The following PIK3R3 variants were observed in gnomAD, a reference collection of about 807,000 sequenced individuals.
The protein encoded by PIK3R3 is phosphoinositide-3-kinase regulatory subunit 3.
A neutral mutation model predicts 62.9 loss-of-function variants in PIK3R3; 64 were observed. The observed-to-expected ratio is 1.02, with a 90% CI of 0.83 to 1.25. The LOEUF (loss-of-function observed/expected upper bound fraction) is 1.25, where lower values mean the gene tolerates loss of function less well. PIK3R3 is among the 50% of genes most tolerant of loss of function. The probability of loss-of-function intolerance (pLI) is 0.00; values close to 1 mark genes in which losing one functional copy is unlikely to be tolerated. For synonymous variants in PIK3R3, 165 were observed against 189.0 expected, an observed-to-expected ratio of 0.87 and a Z score of 1.04; for missense variants, 614 against 561.6, an observed-to-expected ratio of 1.09 and a Z score of -0.94.
chr1:46,066,610 A>G (rs1198297565), intron 4 of PIK3R3, among the ~76,000 whole-genome samples: 1 of 152,154 alleles, frequency 6.6e-6, no homozygotes, highest in African/African-American at 2.4e-5. Flanking sequence ...GCTTGAGCCC[A>G]GGAGTTCAAG....
At chr1:46,165,305 CTTTT>C in the PIK3R3 span, among the ~76,000 whole-genome samples, 2 of 130,024 alleles carry the variant, frequency 1.5e-5, no homozygotes, top group African/African-American at 2.9e-5. Flanking sequence ...TCTTCTTCTT[CTTTT>C]TTTTTTTTTT....
At chr1:46,155,464 T>C in the PIK3R3 span, among the ~76,000 whole-genome samples, 1 of 151,624 alleles carries the variant, frequency 6.6e-6, no homozygotes, top group East Asian at 1.9e-4. Flanking sequence ...TTTTTTTTTT[T>C]GAGACAAGAT....
chr1:46,097,889 CAAAA>C (rs1232804003), intron 1 of PIK3R3, among the ~76,000 whole-genome samples: 2 of 43,196 alleles, frequency 4.6e-5, no homozygotes, highest in Non-Finnish European at 9.9e-5. Flanking sequence ...AACTCCATCT[CAAAA>C]AAAAAAAAAA....
At position 46,041,480 on chromosome 1, in the gene PIK3R3, C is replaced by T. The variant is rs1305621298; in HGVS notation, c.*2193G>A. The T allele has an allele frequency of 2.9e-5, 5 of 175,300 alleles. No individual in the cohort carries two copies. The highest frequency in any genetic ancestry group is 4.9e-5 in the Non-Finnish European group (4 of 81,098). 10.9% of individuals were successfully genotyped at this position (175,300 alleles called of 1,614,324 possible). A position where few individuals can be genotyped will look rare whatever the true frequency, so the allele number is the denominator to read the frequency against. On this transcript the variant is annotated 3_prime_UTR_variant, in exon 10 of 10. Coordinates refer to ENST00000262741, the MANE Select transcript of PIK3R3 (RefSeq NM_003629.4). Reference sequence around the variant, plus strand: ...GTCTCTCCCTGCACACCGCTGGTGTCTGCCCAACAAGGAGCAGACACATTA... The same window carrying T: ...GTCTCTCCCTGCACACCGCTGGTGTTTGCCCAACAAGGAGCAGACACATTA...
At chr1:46,074,366 C>T (rs186505394) in intron 3 of PIK3R3, among the ~76,000 whole-genome samples, 59 of 147,844 alleles carry the variant, frequency 4.0e-4, no homozygotes, top group Middle Eastern at 3.7e-3. Context: ...ACCATTATCT[C>T]ACACCCTAAA....
intron 3 of PIK3R3, among the ~76,000 whole-genome samples, chr1:46,075,714 G>C (rs1180637736): frequency 6.6e-6 from 1 of 152,188 alleles, no homozygotes; most frequent in African/African-American, 2.4e-5. Context: ...CAATAGGAGA[G>C]AGACAAAGAT....
intron 1 of PIK3R3, among the ~76,000 whole-genome samples, chr1:46,115,172 A>G (rs545191443): frequency 3.6e-4 from 55 of 152,324 alleles, no homozygotes; most frequent in African/African-American, 1.1e-3. Flanking sequence ...AAAAGCTAAT[A>G]CAGGGTAAAG....
At chr1:46,154,724 T>C in the PIK3R3 span, among the ~76,000 whole-genome samples, 1 of 152,152 alleles carries the variant, frequency 6.6e-6, no homozygotes, top group Non-Finnish European at 1.5e-5. Context: ...CAACCACTCA[T>C]TCACATCTGC....
At chr1:46,173,372 C>G in the PIK3R3 span, among the ~76,000 whole-genome samples, 1 of 152,204 alleles carries the variant, frequency 6.6e-6, no homozygotes, top group Non-Finnish European at 1.5e-5. Context: ...GAAAGAACTC[C>G]CACTGCCTTG....
the PIK3R3 span, among the ~76,000 whole-genome samples, chr1:46,160,366 G>A: frequency 2.6e-5 from 4 of 152,214 alleles, no homozygotes; most frequent in Admixed American, 6.5e-5. Flanking sequence ...CAGAACCTAC[G>A]ATTCTGTAAC....
At chr1:46,062,138 TAAAC>T in intron 5 of PIK3R3, 67 bp from the exon 6 acceptor site, 1 of 1,394,612 alleles carries the variant, frequency 7.2e-7, no homozygotes, top group Non-Finnish European at 9.7e-7. Context: ...ACCTTGGTCT[TAAAC>T]AAATTTTGTA....
chr1:46,135,622 C>T (rs2149484834), upstream of PIK3R3, among the ~76,000 whole-genome samples: 1 of 152,204 alleles, frequency 6.6e-6, no homozygotes, highest in Admixed American at 6.5e-5. Flanking sequence ...CTTCTGTGCT[C>T]TGAATATAGG....
intron 1 of PIK3R3, among the ~76,000 whole-genome samples, chr1:46,120,503 G>A (rs959763422): frequency 1.3e-5 from 2 of 152,188 alleles, no homozygotes; most frequent in African/African-American, 2.4e-5. Context: ...AACCCGGGAG[G>A]TGGAGGTTGC....
intron 1 of PIK3R3, among the ~76,000 whole-genome samples, chr1:46,087,133 G>T (rs1651139467): frequency 6.6e-6 from 1 of 152,162 alleles, no homozygotes; most frequent in Admixed American, 6.5e-5. Context: ...GGGGAATGGT[G>T]GAGGGATAGC....
chr1:46,076,009 A>C (rs1557584738), intron 3 of PIK3R3, among the ~76,000 whole-genome samples: 1 of 152,176 alleles, frequency 6.6e-6, no homozygotes, highest in African/African-American at 2.4e-5. Context: ...CAGAGAGATA[A>C]AATTTTTTTC....
At position 46,112,203 on chromosome 1, in the gene PIK3R3, C is replaced by T. The variant is rs764018971; in HGVS notation, c.106+19644G>A. ...TTTTGGTTTTTTATAAAAATGGGAT[C>T]TTATTATACACATTTCTTTATAACT... On this transcript the variant is annotated intron_variant, in intron 1 of 9. Coordinates refer to ENST00000262741, the MANE Select transcript of PIK3R3 (RefSeq NM_003629.4). 2.9e-4 allele frequency among the ~76,000 whole-genome samples: 44 copies of T among 152,220 alleles called. 1 individual carries two copies. The Middle Eastern group carries it at 0.014, about 47-fold the overall frequency.
Position 46,077,572 on chromosome 1 carries a change from G to A in PIK3R3, c.257C>T (p.Thr86Ile). 6.2e-7 allele frequency: 1 copy of A among 1,612,260 alleles called. No individual in the cohort carries two copies. The highest frequency in any genetic ancestry group is 8.5e-7 in the Non-Finnish European group (1 of 1,178,454). Residue 86 changes from threonine (T) to isoleucine (I), a missense_variant, in exon 3 of 10, where the codon ACC becomes ATC. By Grantham distance (89) the Thr-to-Ile change is moderately conservative. Coordinates refer to ENST00000262741, the MANE Select transcript of PIK3R3 (RefSeq NM_003629.4). ...TGTTGAGGCATCTCGGACCAAGAAG[G>A]TCCCATCTGGCATATCCCGCAATTT... ...NDKLRDMPDG[T>I]FLVRDASTKM...
chr1:46,055,197 C>T (rs1489592083), intron 7 of PIK3R3, among the ~76,000 whole-genome samples: 3 of 151,322 alleles, frequency 2.0e-5, no homozygotes, highest in African/African-American at 4.9e-5. Flanking sequence ...CAACCTCCGC[C>T]TCCAGGGTTC....
chr1:46,047,483 A>G (rs1054898602), intron 7 of PIK3R3, among the ~76,000 whole-genome samples: 4 of 151,828 alleles, frequency 2.6e-5, no homozygotes. Context: ...AAATCATAGT[A>G]TCTTAAAATG....
Sources: allele counts gnomAD v4.1 joint callset (sites outside exome capture counted in the v4.1 genomes callset), GRCh38; gene constraint gnomAD v4.1.1; transcripts MANE v1.5; gene names NCBI Gene and HGNC (gene_info 2026-07-23, HGNC 2026-07-21).